Variants in KDM6A observed in about 807,000 individuals in gnomAD.
KDM6A encodes lysine demethylase 6A.
Under a neutral mutation model 117.6 loss-of-function variants are expected in KDM6A, and 11 were observed. The observed-to-expected ratio is 0.09, with a 90% CI of 0.06 to 0.15. The LOEUF (loss-of-function observed/expected upper bound fraction) is 0.15. Ranked by LOEUF, KDM6A falls within the 10% of genes least tolerant of loss-of-function variation. The pLI, the probability that KDM6A is intolerant of heterozygous loss-of-function variation, is 1.00. For synonymous variants in KDM6A, 384 were observed against 396.1 expected, an observed-to-expected ratio of 0.97 and a Z score of 0.36; for missense variants, 799 against 1,077.3, an observed-to-expected ratio of 0.74 and a Z score of 3.62.
At position 44,947,645 on chromosome X, in the gene KDM6A, G is replaced by A. The variant is rs761369575; in HGVS notation, c.226-13639G>A. Reference sequence around the variant, plus strand: ...CCCACCTTGGCCTCCCAAAGTGCTGGGATTACAGGTGTGAGCTACCGCGCC... The same window carrying A: ...CCCACCTTGGCCTCCCAAAGTGCTGAGATTACAGGTGTGAGCTACCGCGCC... On this transcript the variant is annotated intron_variant, in intron 2 of 29. Coordinates refer to ENST00000611820, the MANE Select transcript of KDM6A (RefSeq NM_001291415.2). Among the ~76,000 whole-genome samples, 3 of 111,149 alleles carry A rather than the reference G, an allele frequency of 2.7e-5. No homozygotes were observed. In the South Asian group the frequency reaches 1.1e-3, roughly 42 times the overall value.
chrX:45,011,142 A>G (rs2041737112), intron 5 of KDM6A, 123 bp downstream of exon 5: 1 of 500,646 alleles, frequency 2.0e-6, no homozygotes, highest in Non-Finnish European at 3.4e-6. Context: ...CATTAAACCT[A>G]CACTTTTCAG....
At chrX:44,957,153 A>T (rs1377725723) in intron 2 of KDM6A, among the ~76,000 whole-genome samples, 1 of 111,040 alleles carries the variant, frequency 9.0e-6, no homozygotes, top group Non-Finnish European at 1.9e-5. Flanking sequence ...ATAAATAAAA[A>T]TAAAAATTAT....
intron 25 of KDM6A, among the ~76,000 whole-genome samples, chrX:45,087,730 C>G (rs766194240): frequency 4.5e-5 from 5 of 111,540 alleles, no homozygotes; most frequent in African/African-American, 1.3e-4. Context: ...AGTTTTGTTT[C>G]CTATCTAAAT....
chrX:45,074,957 G>A (rs1259228027), intron 18 of KDM6A, among the ~76,000 whole-genome samples: 1 of 111,567 alleles, frequency 9.0e-6, no homozygotes, highest in Non-Finnish European at 1.9e-5. Context: ...TCAATGTCCA[G>A]TATGTTGTAG....
chrX:44,941,836 AC>A (rs927313381), intron 2 of KDM6A, among the ~76,000 whole-genome samples: 2 of 106,596 alleles, frequency 1.9e-5, no homozygotes, highest in African/African-American at 3.4e-5. Context: ...TGTATTTAAC[AC>A]CCCCCCTTTT....
intron 4 of KDM6A, among the ~76,000 whole-genome samples, chrX:45,006,062 C>T (rs902220240): frequency 1.2e-4 from 11 of 94,180 alleles, no homozygotes; most frequent in East Asian, 3.6e-4. Flanking sequence ...AATACTTTAC[C>T]GGCTCCTGTG....
At chrX:45,067,400 A>G (rs2044575996) in intron 17 of KDM6A, among the ~76,000 whole-genome samples, 1 of 111,860 alleles carries the variant, frequency 8.9e-6, no homozygotes, top group African/African-American at 3.3e-5. Context: ...TAATCAGTGT[A>G]TTTGTTAAAT....
At chrX:44,873,899 G>A (rs1018832391) in intron 1 of KDM6A, 25 bp from the exon 2 acceptor site, 8 of 1,205,399 alleles carry the variant, frequency 6.6e-6, no homozygotes, top group South Asian at 1.8e-5. Context: ...GAGCGTTAAC[G>A]AGTAAACTGT....
At chrX:45,031,400 T>G (rs1354369796) in intron 6 of KDM6A, among the ~76,000 whole-genome samples, 3 of 112,497 alleles carry the variant, frequency 2.7e-5, no homozygotes, top group Non-Finnish European at 5.6e-5. Flanking sequence ...TAATTGGATA[T>G]AGACAGCAGT....
chrX:45,011,290 C>T (rs980513041), intron 5 of KDM6A, among the ~76,000 whole-genome samples: 15 of 111,272 alleles, frequency 1.3e-4, no homozygotes, highest in African/African-American at 4.9e-4. Flanking sequence ...TTTGGAATTT[C>T]TTAGTCATTC....
intron 4 of KDM6A, among the ~76,000 whole-genome samples, chrX:45,008,596 A>G (rs952711549): frequency 9.1e-6 from 1 of 109,725 alleles, no homozygotes; most frequent in African/African-American, 3.3e-5. Context: ...CACATTCTGA[A>G]TATCCATGCC....
At chrX:44,877,463 C>T (rs188706953) in intron 2 of KDM6A, among the ~76,000 whole-genome samples, 5 of 108,919 alleles carry the variant, frequency 4.6e-5, no homozygotes, top group South Asian at 3.9e-4. Flanking sequence ...GTGGAGTTAT[C>T]GAAAACTAAG....
In KDM6A at chrX:44,877,008, C is replaced by CGCATACGTATATACACAT. The variant is rs1569323520; in HGVS notation, c.225+3022_225+3023insCATACGTATATACACATG. On this transcript the variant is annotated intron_variant, in intron 2 of 29. Transcript: ENST00000611820. ...ACGTATACGCATACGTATATACACA[C>CGCATACGTATATACACAT]GTATACGTGTATACATATATACATG... Among the ~76,000 whole-genome samples, 166 of 111,667 alleles carry CGCATACGTATATACACAT rather than the reference C, an allele frequency of 1.5e-3. 1 individual carries two copies. Among genetic ancestry groups the CGCATACGTATATACACAT allele is most frequent in the African/African-American group, 5.2e-3 (160 of 31,023 alleles).
chrX:45,104,465 T>C (rs1285846859), intron 27 of KDM6A, among the ~76,000 whole-genome samples: 2 of 112,752 alleles, frequency 1.8e-5, no homozygotes, highest in Non-Finnish European at 3.7e-5. Flanking sequence ...TTGTATAAAA[T>C]CAGTCTGGGG....
chrX:44,895,662 T>C (rs1180899691), intron 2 of KDM6A, among the ~76,000 whole-genome samples: 1 of 109,508 alleles, frequency 9.1e-6, no homozygotes, highest in African/African-American at 3.3e-5. Context: ...TCAGCACTAC[T>C]TTAGCTGTGT....
intron 2 of KDM6A, among the ~76,000 whole-genome samples, chrX:44,920,539 C>T (rs372777980): frequency 9.2e-6 from 1 of 108,854 alleles, no homozygotes; most frequent in South Asian, 4.0e-4. Flanking sequence ...CCCGGGTTCA[C>T]GCCATTCTCC....
intron 4 of KDM6A, among the ~76,000 whole-genome samples, chrX:44,989,080 G>T (rs1014894403): frequency 2.8e-5 from 3 of 107,397 alleles, no homozygotes; most frequent in Admixed American, 1.0e-4. Context: ...AGGTGGCTTT[G>T]TTTACCTACT....
intron 28 of KDM6A, among the ~76,000 whole-genome samples, chrX:45,109,279 G>A (rs776821389): frequency 2.7e-5 from 3 of 110,841 alleles, no homozygotes; most frequent in Admixed American, 9.6e-5. Context: ...TAAAATCAGC[G>A]AGACACCTCA....
chrX:44,893,298 C>T (rs2033540088), intron 2 of KDM6A, among the ~76,000 whole-genome samples: 1 of 111,778 alleles, frequency 8.9e-6, no homozygotes, highest in Non-Finnish European at 1.9e-5. Context: ...AATTCATGAA[C>T]ATGAGTTGTC....
Sources: gnomAD v4.1 joint callset for allele counts (sites outside exome capture counted in the v4.1 genomes callset) on GRCh38, gnomAD v4.1.1 for gene constraint, MANE v1.5 for transcripts, NCBI Gene and HGNC (gene_info 2026-07-23, HGNC 2026-07-21) for gene names.